The following TCF12 variants were observed in gnomAD, a reference collection of about 807,000 sequenced individuals.
TCF12 encodes the protein transcription factor 12, also known as DNA-binding protein HTF4.
TCF12 carries 45 observed loss-of-function variants against 86.0 expected under a neutral mutation model. That is an observed-to-expected ratio of 0.52 (90% CI 0.41 to 0.67). TCF12 has a LOEUF of 0.67. Among genes scored for constraint, TCF12 ranks in the 30% least tolerant of loss-of-function variants. TCF12 has a pLI of 0.00. For missense variants in TCF12, 881 were observed against 859.9 expected (o/e 1.02, Z -0.31); for synonymous variants, 330 against 299.6 (o/e 1.10, Z -1.05).
intron 13 of TCF12, chr15:57,248,197 A>C (rs1029895413): frequency 1.4e-5 from 9 of 656,292 alleles, no homozygotes; most frequent in Non-Finnish European, 1.9e-5. Context: ...CACTGGGCCT[A>C]ATGCAGTTGC....
chr15:57,255,993 C>G (rs1432740370), intron 16 of TCF12, among the ~76,000 whole-genome samples: 2 of 152,316 alleles, frequency 1.3e-5, no homozygotes, highest in East Asian at 3.9e-4. Flanking sequence ...TGCCAGAAAT[C>G]ATCTGCTATC....
intron 6 of TCF12, among the ~76,000 whole-genome samples, chr15:57,178,432 G>T (rs11636348): frequency 0.38 from 58,431 of 152,050 alleles, 14,050 homozygotes; most frequent in Non-Finnish European, 0.53. Flanking sequence ...AAAATACAAG[G>T]AATTGAGAAG....
chr15:56,956,072 C>G, intron 3 of TCF12, among the ~76,000 whole-genome samples: 1 of 151,992 alleles, frequency 6.6e-6, no homozygotes. Context: ...TATGTTAGCA[C>G]TGTACACTTT....
intron 5 of TCF12, among the ~76,000 whole-genome samples, chr15:57,100,021 TG>T (rs2049614473): frequency 6.6e-6 from 1 of 152,222 alleles, no homozygotes; most frequent in African/African-American, 2.4e-5. Flanking sequence ...CATTGTCACT[TG>T]GGTGTGCATT....
At chr15:56,956,499 G>C (rs1443265732) in intron 3 of TCF12, among the ~76,000 whole-genome samples, 1 of 151,732 alleles carries the variant, frequency 6.6e-6, no homozygotes, top group African/African-American at 2.4e-5. Context: ...TTATCTTTCT[G>C]TAGATTCATA....
intron 16 of TCF12, among the ~76,000 whole-genome samples, chr15:57,254,524 A>G (rs942828597): frequency 4.6e-5 from 7 of 152,178 alleles, no homozygotes; most frequent in Middle Eastern, 3.4e-3. Context: ...TTTTATTGCT[A>G]TTGATAAGCT....
intron 3 of TCF12, among the ~76,000 whole-genome samples, chr15:56,936,622 T>G (rs1315167108): frequency 1.8e-4 from 28 of 152,228 alleles, no homozygotes; most frequent in Non-Finnish European, 2.9e-5. Context: ...GTCTTAGATT[T>G]AAGTTTTTGA....
chr15:57,127,469 C>G (rs1352570576), intron 5 of TCF12, among the ~76,000 whole-genome samples: 1 of 152,124 alleles, frequency 6.6e-6, no homozygotes, highest in African/African-American at 2.4e-5. Context: ...TAGCGTTTAT[C>G]ATATAAATAC....
intron 5 of TCF12, among the ~76,000 whole-genome samples, chr15:57,093,823 G>C (rs1596494225): frequency 6.6e-6 from 1 of 152,248 alleles, no homozygotes; most frequent in Middle Eastern, 3.4e-3. Flanking sequence ...TAAGTAGATT[G>C]ATCTCTTAAT....
intron 6 of TCF12, among the ~76,000 whole-genome samples, chr15:57,181,417 T>TC (rs1318599488): frequency 7.8e-6 from 1 of 128,400 alleles, no homozygotes; most frequent in Non-Finnish European, 1.6e-5. Flanking sequence ...ATAAAGAATA[T>TC]CCAAATTATA....
intron 3 of TCF12, among the ~76,000 whole-genome samples, chr15:57,024,119 G>A (rs549494449): frequency 6.6e-6 from 1 of 151,468 alleles, no homozygotes; most frequent in Non-Finnish European, 1.5e-5. Context: ...CTTTAAAGAA[G>A]CAAGACAAAT....
intron 4 of TCF12, among the ~76,000 whole-genome samples, chr15:57,070,203 T>C (rs1286617880): frequency 6.6e-6 from 1 of 151,930 alleles, no homozygotes; most frequent in Non-Finnish European, 1.5e-5. Flanking sequence ...TTTTTTTTTA[T>C]TAAGGGATAG....
chr15:57,064,102 G>A (rs559527569), intron 4 of TCF12, among the ~76,000 whole-genome samples: 1 of 152,212 alleles, frequency 6.6e-6, no homozygotes, highest in African/African-American at 2.4e-5. Context: ...CTCTCCATAT[G>A]TATTTAGCCA....
At chr15:57,252,596 C>T in intron 15 of TCF12, 104 bp downstream of exon 15, 1 of 930,776 alleles carries the variant, frequency 1.1e-6, no homozygotes, top group Non-Finnish European at 1.6e-6. Context: ...CTTTAAAAAT[C>T]AAACAGTTGA....
chr15:57,144,880 G>A (rs2053247472), intron 5 of TCF12, among the ~76,000 whole-genome samples: 2 of 152,146 alleles, frequency 1.3e-5, no homozygotes, highest in Non-Finnish European at 2.9e-5. Flanking sequence ...GGGATTACAA[G>A]CATGAGCTGC....
intron 5 of TCF12, among the ~76,000 whole-genome samples, chr15:57,121,884 T>C (rs2051259329): frequency 6.6e-6 from 1 of 152,192 alleles, no homozygotes; most frequent in South Asian, 2.1e-4. Flanking sequence ...GAAGATTCTT[T>C]GGAGTTTTGT....
chr15:57,164,457 C>T (rs111919148), intron 5 of TCF12, among the ~76,000 whole-genome samples: 6,288 of 152,068 alleles, frequency 0.041, 366 homozygotes, highest in African/African-American at 0.13. Flanking sequence ...GGAGAAGTAC[C>T]GAGCAAAAGG....
chr15:57,230,033 A>G (rs1166056470), intron 8 of TCF12, among the ~76,000 whole-genome samples: 1 of 151,974 alleles, frequency 6.6e-6, no homozygotes, highest in Non-Finnish European at 1.5e-5. Context: ...CAAATTATGT[A>G]GAAGAACATA....
chr15:57,237,957 G>T (rs1316661622), intron 12 of TCF12, among the ~76,000 whole-genome samples: 2 of 152,082 alleles, frequency 1.3e-5, no homozygotes, highest in African/African-American at 4.8e-5. Flanking sequence ...TTCTTTTTAT[G>T]AAAGTAAAAG....
Sources: allele counts gnomAD v4.1 joint callset (sites outside exome capture counted in the v4.1 genomes callset), GRCh38; gene constraint gnomAD v4.1.1; transcripts MANE v1.5; gene names NCBI Gene and HGNC (gene_info 2026-07-23, HGNC 2026-07-21).